The following PTGER4 variants were observed in gnomAD, a reference collection of about 807,000 sequenced individuals.
PTGER4 encodes prostaglandin E2 receptor EP4 subtype.
In PTGER4, 11 loss-of-function variants were observed where a neutral mutation model predicts 33.2. The observed-to-expected ratio is 0.33, with a 90% CI of 0.21 to 0.55. The LOEUF is 0.55. PTGER4 is among the 20% of genes least tolerant of loss of function. The pLI, the probability that PTGER4 is intolerant of heterozygous loss-of-function variation, is 0.92. For missense variants in PTGER4, 481 were observed against 650.2 expected (o/e 0.74, Z 2.83); for synonymous variants, 275 against 281.5 (o/e 0.98, Z 0.23).
chr5:40,713,004 T>A, the PTGER4 span, among the ~76,000 whole-genome samples: 1 of 152,158 alleles, frequency 6.6e-6, no homozygotes, highest in Non-Finnish European at 1.5e-5. Flanking sequence ...ATAATTTATA[T>A]ATTTCAATAT....
At position 40,681,465 on chromosome 5, in the gene PTGER4, C is replaced by T. The variant is rs1469353204; in HGVS notation, c.472C>T (p.Leu158Phe). 2 of 1,613,610 alleles carry T rather than the reference C, an allele frequency of 1.2e-6. No homozygotes were observed. The highest frequency in any genetic ancestry group is 1.3e-5 in the African/African-American group (1 of 74,954). Reference protein sequence around the residue: ...VLFCALPNMGLGSSRLQYPDT... With the variant: ...VLFCALPNMGFGSSRLQYPDT... ...CTTTTGCGCGCTGCCCAACATGGGT[C>T]TCGGTAGCTCGCGGCTGCAGTACCC... Residue 158 changes from leucine to phenylalanine, a missense_variant, in exon 2 of 3, where the codon CTC becomes TTC. Leu to Phe is a conservative substitution (Grantham distance 22). Around this residue, in one of 7 missense-constraint regions of PTGER4, gnomAD observed 2 missense variants for 16.5 expected, o/e 0.12. Transcript: ENST00000302472. This position sits in a 1 kb window ranked among gnomAD's most constrained non-coding sequence, Gnocchi z 9.8.
the PTGER4 span, among the ~76,000 whole-genome samples, chr5:40,739,445 G>A: frequency 6.6e-6 from 1 of 152,190 alleles, no homozygotes; most frequent in Non-Finnish European, 1.5e-5. Flanking sequence ...GTAATCCCCA[G>A]TGTTAAAGGT....
the PTGER4 span, among the ~76,000 whole-genome samples, chr5:40,735,070 T>C: frequency 1.3e-5 from 2 of 152,280 alleles, no homozygotes; most frequent in East Asian, 1.9e-4. Context: ...GACCAAACCA[T>C]GTTTTGTGGA....
Position 40,681,352 on chromosome 5 carries a change from C to T in PTGER4, c.359C>T (p.Ala120Val). ...ICAMSVERYL[A>V]INHAYFYSHY... ...GCCATGAGTGTCGAGCGCTACCTGG[C>T]CATCAACCATGCCTATTTCTACAGC... is the stretch of plus-strand genomic sequence containing the variant. The change falls in exon 2 of 3, where the codon GCC becomes GTC. Residue 120 changes from alanine to valine, a missense_variant. Physicochemically the swap from Ala to Val is moderately conservative, Grantham distance 64. Transcript: ENST00000302472. This position sits in a 1 kb window ranked among gnomAD's most constrained non-coding sequence, Gnocchi z 9.8. 1 of 1,614,176 alleles carries T rather than the reference C, an allele frequency of 6.2e-7. No individual in the cohort carries two copies. The highest frequency in any genetic ancestry group is 8.5e-7 in the Non-Finnish European group (1 of 1,180,044).
the PTGER4 span, among the ~76,000 whole-genome samples, chr5:40,711,163 A>T: frequency 2.0e-5 from 3 of 152,194 alleles, no homozygotes; most frequent in South Asian, 6.2e-4. Context: ...CTCATGAAGG[A>T]CTTCTATCCA....
chr5:40,728,484 C>A, the PTGER4 span: 1 of 1,577,510 alleles, frequency 6.3e-7, no homozygotes, highest in South Asian at 1.2e-5. Context: ...CACCTATAGG[C>A]AAAAAAAGAC....
At chr5:40,682,890 G>C (rs1033378804) in intron 2 of PTGER4, among the ~76,000 whole-genome samples, 1 of 152,134 alleles carries the variant, frequency 6.6e-6, no homozygotes, top group Non-Finnish European at 1.5e-5. Flanking sequence ...TTCATTTTTA[G>C]TTCATCTTTT....
At chr5:40,743,237 T>C in the PTGER4 span, among the ~76,000 whole-genome samples, 21 of 151,940 alleles carry the variant, frequency 1.4e-4, 1 homozygote, top group East Asian at 4.1e-3. Flanking sequence ...TGAGCAGAAA[T>C]CCAAAGGACA....
chr5:40,722,439 G>A, the PTGER4 span, among the ~76,000 whole-genome samples: 19 of 150,204 alleles, frequency 1.3e-4, no homozygotes, highest in Non-Finnish European at 2.2e-4. Context: ...CTTCCCGGCC[G>A]TCATCCAGTC....
At chr5:40,722,334 T>C in the PTGER4 span, among the ~76,000 whole-genome samples, 1 of 152,012 alleles carries the variant, frequency 6.6e-6, no homozygotes, top group African/African-American at 2.4e-5. Flanking sequence ...CCACCCCGTC[T>C]AGGAAGTGAG....
chr5:40,738,318 G>A, the PTGER4 span, among the ~76,000 whole-genome samples: 1 of 151,826 alleles, frequency 6.6e-6, no homozygotes. Context: ...GGAGTGCTGA[G>A]GCAGGAGAAT....
chr5:40,708,451 C>T, the PTGER4 span, among the ~76,000 whole-genome samples: 5 of 151,974 alleles, frequency 3.3e-5, no homozygotes, highest in Admixed American at 2.6e-4. Flanking sequence ...ATAAATTCCT[C>T]GACACATACA....
the PTGER4 span, among the ~76,000 whole-genome samples, chr5:40,711,791 AAGTC>A: frequency 6.6e-6 from 1 of 152,276 alleles, no homozygotes; most frequent in Non-Finnish European, 1.5e-5. Flanking sequence ...AGCAAAAAAA[AAGTC>A]AGACACAAAA....
chr5:40,696,662 C>T, downstream of PTGER4: 1 of 984,840 alleles, frequency 1.0e-6, no homozygotes. Flanking sequence ...GCCATCAACC[C>T]CATTTCCCAC....
the PTGER4 span, among the ~76,000 whole-genome samples, chr5:40,707,337 T>C: frequency 1.3e-5 from 2 of 151,954 alleles, no homozygotes; most frequent in Non-Finnish European, 2.9e-5. Context: ...CGGAGGAAGA[T>C]CTACCAAGCA....
chr5:40,722,841 G>GCTGCCCCGT, the PTGER4 span, among the ~76,000 whole-genome samples: 1 of 151,292 alleles, frequency 6.6e-6, no homozygotes, highest in Admixed American at 6.6e-5. Context: ...CACCCGGCCA[G>GCTGCCCCGT]CTGCCCCGTC....
At chr5:40,729,890 G>C in the PTGER4 span, among the ~76,000 whole-genome samples, 1 of 152,254 alleles carries the variant, frequency 6.6e-6, no homozygotes, top group African/African-American at 2.4e-5. Context: ...GTAGAGGCAA[G>C]GTTTCACCAT....
At chr5:40,728,329 A>T in the PTGER4 span, 1 of 1,493,854 alleles carries the variant, frequency 6.7e-7, no homozygotes, top group East Asian at 2.6e-5. Flanking sequence ...GCATTATAAT[A>T]ATCTGACTTC....
At position 40,687,483 on chromosome 5, in the gene PTGER4, G is replaced by A. The variant is rs939649430; in HGVS notation, c.868-4296G>A. Reference sequence around the variant, plus strand: ...CCGAAAAGTGCTTTCACCCCCTCACGAGACATTGAAGCACTACTCCGGATG... The same window carrying A: ...CCGAAAAGTGCTTTCACCCCCTCACAAGACATTGAAGCACTACTCCGGATG... On this transcript the variant is annotated intron_variant, in intron 2 of 2. Transcript: ENST00000302472. 6.6e-5 allele frequency among the ~76,000 whole-genome samples: 10 copies of A among 152,170 alleles called. No individual in the cohort carries two copies. In the East Asian group the frequency reaches 9.6e-4, roughly 15 times the overall value.
Sources: allele counts gnomAD v4.1 joint callset (sites outside exome capture counted in the v4.1 genomes callset), GRCh38; gene constraint gnomAD v4.1.1; regional missense constraint gnomAD v4.1.1; non-coding constraint Gnocchi (gnomAD v3.1); transcripts MANE v1.5; gene names NCBI Gene and HGNC (gene_info 2026-07-23, HGNC 2026-07-21).